Variants in PHEX observed in about 807,000 individuals in gnomAD.
PHEX encodes phosphate-regulating neutral endopeptidase PHEX.
In PHEX, 16 loss-of-function variants were observed where a neutral mutation model predicts 68.0. That is an observed-to-expected ratio of 0.24 (90% CI 0.16 to 0.36). The LOEUF is 0.36. Among genes scored for constraint, PHEX ranks in the 10% least tolerant of loss-of-function variants. The pLI, the probability that PHEX is intolerant of heterozygous loss-of-function variation, is 1.00. For synonymous variants in PHEX, 208 were observed against 205.1 expected (o/e 1.01, Z -0.12); for missense variants, 480 against 575.5 (o/e 0.83, Z 1.70).
chrX:22,039,603 A>G (rs757489298), intron 2 of PHEX, among the ~76,000 whole-genome samples: 71 of 112,493 alleles, frequency 6.3e-4, no homozygotes, highest in Non-Finnish European at 1.2e-3. Context: ...GTGAGAGAAA[A>G]GGGGTGTTCT....
chrX:22,186,892 A>T (rs1029606596), intron 14 of PHEX, among the ~76,000 whole-genome samples: 13 of 111,797 alleles, frequency 1.2e-4, no homozygotes, highest in Admixed American at 7.6e-4. Context: ...TTTTAAAGAG[A>T]GGGGAGTTGG....
At chrX:22,235,907 C>T (rs1396162161) in intron 20 of PHEX, among the ~76,000 whole-genome samples, 1 of 110,728 alleles carries the variant, frequency 9.0e-6, no homozygotes, top group East Asian at 2.8e-4. Flanking sequence ...GCTGAAAGAA[C>T]TACAGTGGCT....
intron 12 of PHEX, among the ~76,000 whole-genome samples, chrX:22,167,653 G>A (rs1054405420): frequency 1.2e-4 from 13 of 107,656 alleles, no homozygotes; most frequent in Non-Finnish European, 2.3e-4. Flanking sequence ...CACCATGCCC[G>A]GCTTTTTTTA....
intron 12 of PHEX, among the ~76,000 whole-genome samples, chrX:22,140,818 C>G (rs796724058): frequency 8.9e-6 from 1 of 111,879 alleles, no homozygotes; most frequent in Non-Finnish European, 1.9e-5. Context: ...TTTAGTGTTT[C>G]TCACATTAAA....
chrX:22,200,321 G>A (rs1057304764), intron 15 of PHEX, among the ~76,000 whole-genome samples: 7 of 112,248 alleles, frequency 6.2e-5, no homozygotes, highest in Non-Finnish European at 1.1e-4. Context: ...TTACAGTCAC[G>A]TGATAGGCTG....
At chrX:22,237,822 T>C (rs1936034713) in intron 20 of PHEX, among the ~76,000 whole-genome samples, 2 of 112,386 alleles carry the variant, frequency 1.8e-5, no homozygotes, top group African/African-American at 3.2e-5. Flanking sequence ...TATTTATGTG[T>C]CCTAGTTCAA....
chrX:22,113,005 T>TTGTGTGTG lies in PHEX; in HGVS notation c.1174-1411_1174-1404dup, dbSNP rs560422828. ...GGTTAAGATACAAAACAAGTAGGTT[T>TTGTGTGTG]TGTGTGTGTGTGTGTGTGTGTGTGT... On this transcript the variant is annotated intron_variant, in intron 10 of 21. Coordinates refer to ENST00000379374, the MANE Select transcript of PHEX (RefSeq NM_000444.6). Among the ~76,000 whole-genome samples the TTGTGTGTG allele has an allele frequency of 3.5e-3, 311 of 88,662 alleles. 1 individual carries two copies. Among genetic ancestry groups the TTGTGTGTG allele is most frequent in the African/African-American group, 7.1e-3 (182 of 25,642 alleles). The allele number at this position is 88,662 out of a possible 115,157, so 77.0% of individuals were successfully genotyped here. A position where few individuals can be genotyped will look rare whatever the true frequency, so the allele number is the denominator to read the frequency against.
intron 17 of PHEX, 123 bp from the exon 18 acceptor site, chrX:22,221,490 C>T: frequency 1.7e-6 from 1 of 575,997 alleles, no homozygotes; most frequent in South Asian, 2.6e-5. Flanking sequence ...AGGAGCTGAT[C>T]TCAGGAAGAG....
chrX:22,129,175 A>G (rs1020759884), intron 11 of PHEX, among the ~76,000 whole-genome samples: 1 of 111,223 alleles, frequency 9.0e-6, no homozygotes, highest in African/African-American at 3.3e-5. Context: ...ATGCTGGACA[A>G]ACGAAGGGTG....
chrX:22,127,931 G>A (rs1008276103), intron 11 of PHEX, among the ~76,000 whole-genome samples: 5 of 111,953 alleles, frequency 4.5e-5, no homozygotes, highest in East Asian at 2.8e-4. Context: ...AGAGGAGGGA[G>A]GAACTGGCAT....
intron 3 of PHEX, among the ~76,000 whole-genome samples, chrX:22,056,763 AAATAATAATAAT>A (rs59624310): frequency 0.02 from 1,855 of 93,265 alleles, 35 homozygotes; most frequent in African/African-American, 0.053. Context: ...CTCTGTCTCA[AAATAATAATAAT>A]AATAATAATA....
intron 12 of PHEX, among the ~76,000 whole-genome samples, chrX:22,159,232 C>G (rs1933038826): frequency 8.8e-6 from 1 of 113,681 alleles, no homozygotes; most frequent in Admixed American, 9.2e-5. Context: ...AGCGAATAAC[C>G]TAGCTTTATT....
intron 6 of PHEX, among the ~76,000 whole-genome samples, chrX:22,091,582 C>A (rs1360607747): frequency 1.8e-5 from 2 of 111,908 alleles, no homozygotes; most frequent in Non-Finnish European, 3.8e-5. Flanking sequence ...CAAAGCACTG[C>A]TCCTAGCATG....
chrX:22,238,476 G>T (rs1033277679), intron 20 of PHEX, among the ~76,000 whole-genome samples: 3 of 111,386 alleles, frequency 2.7e-5, no homozygotes, highest in Non-Finnish European at 5.7e-5. Context: ...CGGGCTCGGT[G>T]CATCCCACCC....
intron 20 of PHEX, among the ~76,000 whole-genome samples, chrX:22,236,100 T>C (rs1935969137): frequency 9.0e-6 from 1 of 111,641 alleles, no homozygotes; most frequent in South Asian, 3.8e-4. Flanking sequence ...CATTACTGTC[T>C]CTTTGGCTTT....
chrX:22,078,272 A>G (rs1929247811), intron 5 of PHEX, among the ~76,000 whole-genome samples: 1 of 112,244 alleles, frequency 8.9e-6, no homozygotes, highest in South Asian at 3.7e-4. Context: ...AATGGGCCAC[A>G]TGGACATACC....
chrX:22,246,584 C>T (rs1012387359), intron 21 of PHEX, among the ~76,000 whole-genome samples: 22 of 112,200 alleles, frequency 2.0e-4, no homozygotes, highest in Admixed American at 1.6e-3. Flanking sequence ...TGAACTCACA[C>T]AGTAGATTAA....
At chrX:22,103,181 T>C (rs962487926) in intron 9 of PHEX, among the ~76,000 whole-genome samples, 16 of 112,135 alleles carry the variant, frequency 1.4e-4, no homozygotes, top group African/African-American at 5.2e-4. Context: ...CACTGCTCAT[T>C]TTGGAGATGC....
chrX:22,072,749 G>A (rs781711036), intron 3 of PHEX, among the ~76,000 whole-genome samples: 1 of 112,006 alleles, frequency 8.9e-6, no homozygotes, highest in East Asian at 2.8e-4. Flanking sequence ...TTAGTGATTG[G>A]AAGGGAGCAC....
Sources: allele counts gnomAD v4.1 joint callset (sites outside exome capture counted in the v4.1 genomes callset), GRCh38; gene constraint gnomAD v4.1.1; transcripts MANE v1.5; gene names NCBI Gene and HGNC (gene_info 2026-07-23, HGNC 2026-07-21).